The following ADAM32 variants were observed in gnomAD, a reference collection of about 807,000 sequenced individuals.
The protein encoded by ADAM32 is ADAM metallopeptidase domain 32.
In ADAM32, 89 loss-of-function variants were observed where a neutral mutation model predicts 114.9. The ratio of observed to expected loss-of-function variants is 0.77; its 90% CI spans 0.65 to 0.92. ADAM32 has a LOEUF of 0.92. ADAM32 is among the 40% of genes least tolerant of loss of function. ADAM32 has a pLI of 0.00. For missense variants in ADAM32, 870 were observed against 932.8 expected (o/e 0.93, Z 0.88); for synonymous variants, 285 against 307.5 (o/e 0.93, Z 0.77).
intron 9 of ADAM32, chr8:39,168,991 T>G (rs4133177): frequency 0.25 from 37,497 of 152,178 alleles, 5,005 homozygotes; most frequent in Non-Finnish European, 0.29. Context: ...AACCAATGTT[T>G]GGCATTAGGA....
At chr8:39,273,731 G>A (rs1013090882) in intron 20 of ADAM32, among the ~76,000 whole-genome samples, 3 of 151,674 alleles carry the variant, frequency 2.0e-5, no homozygotes, top group Non-Finnish European at 4.4e-5. Context: ...CAGTTTTATC[G>A]TTTTTATTGG....
chr8:39,223,363 G>A (rs989703014), intron 14 of ADAM32, 125 bp downstream of exon 14: 1 of 468,878 alleles, frequency 2.1e-6, no homozygotes, highest in Non-Finnish European at 3.3e-6. Context: ...GTGGAATATT[G>A]TTTATATATA....
chr8:39,117,975 C>A (rs1199248745), intron 1 of ADAM32, 111 bp from the exon 2 acceptor site: 2 of 614,866 alleles, frequency 3.3e-6, no homozygotes, highest in Non-Finnish European at 5.4e-6. Flanking sequence ...TAGAAGTACA[C>A]AGTGATGAGC....
intron 10 of ADAM32, among the ~76,000 whole-genome samples, chr8:39,183,597 G>T (rs1806047428): frequency 6.6e-6 from 1 of 152,102 alleles, no homozygotes; most frequent in Non-Finnish European, 1.5e-5. Flanking sequence ...AAGCCTAATG[G>T]CTATGGGGGA....
chr8:39,225,332 C>G (rs904347570), intron 14 of ADAM32, among the ~76,000 whole-genome samples: 2 of 152,200 alleles, frequency 1.3e-5, no homozygotes, highest in African/African-American at 2.4e-5. Flanking sequence ...TCCACAAACA[C>G]CCACTCTACT....
chr8:39,227,881 A>T (rs1480980904), intron 14 of ADAM32, among the ~76,000 whole-genome samples: 1 of 152,066 alleles, frequency 6.6e-6, no homozygotes, highest in Non-Finnish European at 1.5e-5. Flanking sequence ...CCAGCACAAA[A>T]ATAGGGCATT....
intron 14 of ADAM32, 147 bp from the exon 15 acceptor site, chr8:39,231,880 A>G (rs1446804544): frequency 1.2e-5 from 8 of 660,232 alleles, no homozygotes; most frequent in Non-Finnish European, 1.8e-5. Context: ...CTTTCACTTT[A>G]CTTTTTATTC....
chr8:39,241,397 G>A (rs1431313957), intron 16 of ADAM32, among the ~76,000 whole-genome samples: 1 of 152,198 alleles, frequency 6.6e-6, no homozygotes, highest in Admixed American at 6.5e-5. Flanking sequence ...GACTCTGTGT[G>A]GGGGCTCCAA....
rs867975921 is a variant in ADAM32, at chr8:39,147,152, A to G, written c.223A>G (p.Met75Val). The change falls in exon 4 of 25, where the codon ATG (methionine) becomes GTG (valine). Residue 75 changes from methionine (M) to valine (V), a missense_variant. Met to Val is a conservative substitution (Grantham distance 21). Coordinates refer to ENST00000379907, the MANE Select transcript of ADAM32 (RefSeq NM_145004.7). ...KQRYFLADNF[M>V]IYLYNQGSMN... ...CAGATATTTTTTAGCAGATAATTTT[A>G]TGATCTATTTGTACAATCAAGGATC... 1.0e-6 allele frequency: 1 copy of G among 985,808 alleles called. No individual in the cohort carries two copies. Among genetic ancestry groups the G allele is most frequent in the Non-Finnish European group, 1.4e-6 (1 of 736,654 alleles). The allele number at this position is 985,808 out of a possible 1,614,324, so 61.1% of individuals were successfully genotyped here.
At chr8:39,113,287 C>T (rs1840240750) in intron 1 of ADAM32, among the ~76,000 whole-genome samples, 1 of 152,168 alleles carries the variant, frequency 6.6e-6, no homozygotes, top group Non-Finnish European at 1.5e-5. Context: ...ACATGAGTAA[C>T]ATTATGAGTG....
chr8:39,139,013 A>G (rs1311586248), intron 3 of ADAM32, among the ~76,000 whole-genome samples: 2 of 152,018 alleles, frequency 1.3e-5, no homozygotes, highest in Admixed American at 6.5e-5. Context: ...CCACTTTTTC[A>G]TGGGGTTGTT....
intron 10 of ADAM32, among the ~76,000 whole-genome samples, chr8:39,175,184 T>G (rs151114428): frequency 7.1e-4 from 108 of 152,270 alleles, no homozygotes; most frequent in African/African-American, 2.5e-3. Context: ...TTTTTTTATT[T>G]TGCCTTATTG....
At chr8:39,124,344 AG>A (rs1801979137) in intron 2 of ADAM32, among the ~76,000 whole-genome samples, 1 of 152,056 alleles carries the variant, frequency 6.6e-6, no homozygotes, top group African/African-American at 2.4e-5. Context: ...GTCTCTGCAA[AG>A]GACATGATCT....
intron 14 of ADAM32, among the ~76,000 whole-genome samples, chr8:39,226,838 T>G (rs1354186785): frequency 6.6e-6 from 1 of 152,184 alleles, no homozygotes; most frequent in Admixed American, 6.5e-5. Context: ...TAACGTTCAC[T>G]GGTAAAAGTA....
intron 16 of ADAM32, among the ~76,000 whole-genome samples, chr8:39,243,862 T>C (rs1279662686): frequency 6.6e-6 from 1 of 152,094 alleles, no homozygotes; most frequent in Non-Finnish European, 1.5e-5. Context: ...TTGCCAATGA[T>C]ATGATCATAT....
At chr8:39,283,739 T>A in intron 24 of ADAM32, 115 bp downstream of exon 24, 1 of 626,876 alleles carries the variant, frequency 1.6e-6, no homozygotes. Flanking sequence ...GGTAAAGTAC[T>A]GCACCAATAA....
At chr8:39,275,166 G>A (rs1408354767) in intron 21 of ADAM32, among the ~76,000 whole-genome samples, 1 of 152,174 alleles carries the variant, frequency 6.6e-6, no homozygotes, top group Non-Finnish European at 1.5e-5. Flanking sequence ...GCCTTTCAGG[G>A]CTTCCAGGTT....
chr8:39,137,079 T>C (rs772069884), intron 3 of ADAM32, among the ~76,000 whole-genome samples: 1 of 152,192 alleles, frequency 6.6e-6, no homozygotes. Flanking sequence ...ATGAGTAATA[T>C]GGGACAGGGA....
intron 19 of ADAM32, among the ~76,000 whole-genome samples, chr8:39,258,215 T>C (rs1294942623): frequency 6.6e-6 from 1 of 151,900 alleles, no homozygotes; most frequent in East Asian, 1.9e-4. Flanking sequence ...TTTGGTTTCA[T>C]TGTGGTCTCT....
Sources: gnomAD v4.1 joint callset for allele counts (sites outside exome capture counted in the v4.1 genomes callset) on GRCh38, gnomAD v4.1.1 for gene constraint, MANE v1.5 for transcripts, NCBI Gene and HGNC (gene_info 2026-07-23, HGNC 2026-07-21) for gene names.